SLC7A5: variants seen among roughly 807,000 people sequenced by gnomAD.
SLC7A5 encodes solute carrier family 7 member 5, also known as large neutral amino acids transporter small subunit 1.
Under a neutral mutation model 50.2 loss-of-function variants are expected in SLC7A5, and 23 were observed. The ratio of observed to expected loss-of-function variants is 0.46; its 90% CI spans 0.33 to 0.65. SLC7A5 has a LOEUF of 0.65. SLC7A5 is among the 30% of genes least tolerant of loss of function. The pLI, the probability that SLC7A5 is intolerant of heterozygous loss-of-function variation, is 0.02. For missense variants in SLC7A5, 578 were observed against 684.4 expected (o/e 0.84, Z 1.73); for synonymous variants, 393 against 330.6 (o/e 1.19, Z -2.05).
chr16:87,830,315 A>G lies in SLC7A5; in HGVS notation c.*2655T>C, dbSNP rs1290980173. ...AAACATGGTGCCGACAGCATCTTTA[A>G]ATTAGTAAGACGTTAGCACAAAACA... is the stretch of plus-strand genomic sequence containing the variant. On this transcript the variant is annotated 3_prime_UTR_variant, in exon 10 of 10. Coordinates refer to ENST00000261622, the MANE Select transcript of SLC7A5 (RefSeq NM_003486.7). 6.6e-6 allele frequency: 1 copy of G among 152,276 alleles called. No individual in the cohort carries two copies. Among genetic ancestry groups the G allele is most frequent in the Non-Finnish European group, 1.5e-5 (1 of 68,050 alleles). 9.4% of individuals were successfully genotyped at this position (152,276 alleles called of 1,614,324 possible). A position where few individuals can be genotyped will look rare whatever the true frequency, so the allele number is the denominator to read the frequency against.
intron 1 of SLC7A5, among the ~76,000 whole-genome samples, chr16:87,859,641 C>T (rs2055363642): frequency 6.6e-6 from 1 of 152,172 alleles, no homozygotes; most frequent in East Asian, 1.9e-4. Flanking sequence ...CCAGCACTAA[C>T]ACTCAAACAC....
Position 87,868,925 on chromosome 16 carries a change from C to T in SLC7A5, c.498G>A (p.Val166=), listed in dbSNP as rs1383832694. ...CCACGAGCTTGGCTGCCTCCTCGGG[C>T]ACCGGGCAGGTGGGGAAGAGCGGCT... is the stretch of plus-strand genomic sequence containing the variant. ...LLKPLFPTCP[V]PEEAAKLVAC... The change falls in exon 1 of 10, where the codon GTG becomes GTA. Residue 166 remains valine (V), a synonymous_variant. Transcript: ENST00000261622. 1.1e-5 allele frequency: 17 copies of T among 1,609,924 alleles called. No individual in the cohort carries two copies. The highest frequency in any genetic ancestry group is 1.4e-5 in the Non-Finnish European group (17 of 1,179,236).
rs566870085 is a variant in SLC7A5, at chr16:87,852,772, A to T, written c.539-923T>A. 6.6e-6 allele frequency among the ~76,000 whole-genome samples: 1 copy of T among 151,616 alleles called. No homozygotes were observed. Among genetic ancestry groups the T allele is most frequent in the South Asian group, 2.1e-4 (1 of 4,818 alleles). On this transcript the variant is annotated intron_variant, in intron 1 of 9. Transcript: ENST00000261622. The surrounding 1 kb of genome is among the most constrained non-coding windows in gnomAD (Gnocchi z 4.5). ...GTGTGTTTTGGGGGGTTCTGTTGCA[A>T]TATGTGCGCACGCTGAGCCACTATT...
Position 87,831,952 on chromosome 16 carries a change from G to A in SLC7A5, c.*1018C>T, listed in dbSNP as rs1420621422. The A allele has an allele frequency of 6.5e-6, 1 of 153,126 alleles. No individual in the cohort carries two copies. The highest frequency in any genetic ancestry group is 1.5e-5 in the Non-Finnish European group (1 of 68,766). The allele number at this position is 153,126 out of a possible 1,614,324, so 9.5% of individuals were successfully genotyped here. ...GACATGAGCGTGACAGGGAGAGCGGGGAGGTGCCTAGGCCGGGAGTGGGAA... is the reference window on the plus strand; with the variant it reads ...GACATGAGCGTGACAGGGAGAGCGGAGAGGTGCCTAGGCCGGGAGTGGGAA... On this transcript the variant is annotated 3_prime_UTR_variant, in exon 10 of 10. Transcript: ENST00000261622.
chr16:87,851,957 A>G lies in SLC7A5; in HGVS notation c.539-108T>C, dbSNP rs556987023. ...CCCACCCCAGGGCCAGGTCCACCAG[A>G]AAAACAAGCTCCTTAAACAGCTCCA... On this transcript the variant is annotated intron_variant, in intron 1 of 9. Transcript: ENST00000261622. The G allele has an allele frequency of 3.3e-4, 444 of 1,361,076 alleles. 3 individuals carry two copies. The South Asian group carries it at 5.1e-3, about 16-fold the overall frequency. 84.3% of individuals were successfully genotyped at this position (1,361,076 alleles called of 1,614,324 possible). A position where few individuals can be genotyped will look rare whatever the true frequency, so the allele number is the denominator to read the frequency against.
rs2055269532 is a variant in SLC7A5 at position 87,853,713 on chromosome 16, G to C, written c.539-1864C>G. Reference sequence around the variant, plus strand: ...CGGGGACCTAGCCGGCTTCTGGAGAGCTTTCTGGATTCGCAAGAGGCCGGC... The same window carrying C: ...CGGGGACCTAGCCGGCTTCTGGAGACCTTTCTGGATTCGCAAGAGGCCGGC... On this transcript the variant is annotated intron_variant, in intron 1 of 9. Coordinates refer to ENST00000261622, the MANE Select transcript of SLC7A5 (RefSeq NM_003486.7). The surrounding 1 kb of genome is among the most constrained non-coding windows in gnomAD (Gnocchi z 4.4). Among the ~76,000 whole-genome samples the C allele has an allele frequency of 6.7e-6, 1 of 150,126 alleles. No homozygotes were observed. The highest frequency in any genetic ancestry group is 1.5e-5 in the Non-Finnish European group (1 of 67,902).
At chr16:87,845,205 G>T (rs1305605353) in intron 2 of SLC7A5, among the ~76,000 whole-genome samples, 1 of 152,190 alleles carries the variant, frequency 6.6e-6, no homozygotes, top group Non-Finnish European at 1.5e-5. Context: ...GCTTCTCAGT[G>T]CATCAGGCAT....
intron 2 of SLC7A5, among the ~76,000 whole-genome samples, chr16:87,851,178 G>C (rs1250949671): frequency 6.6e-6 from 1 of 152,234 alleles, no homozygotes; most frequent in Admixed American, 6.5e-5. Context: ...GGGTTACCAC[G>C]TTTGTTTTGT....
Position 87,852,490 on chromosome 16 carries a change from G to A in SLC7A5, c.539-641C>T, listed in dbSNP as rs754831863. On this transcript the variant is annotated intron_variant, in intron 1 of 9. Coordinates refer to ENST00000261622, the MANE Select transcript of SLC7A5 (RefSeq NM_003486.7). This position sits in a 1 kb window ranked among gnomAD's most constrained non-coding sequence, Gnocchi z 4.5. ...ATACGATGAAACCCAAAATAGCACCGTGTGCTTCAGAAGCCTGAGTGACCC... is the reference window on the plus strand; with the variant it reads ...ATACGATGAAACCCAAAATAGCACCATGTGCTTCAGAAGCCTGAGTGACCC... Among the ~76,000 whole-genome samples the A allele has an allele frequency of 6.6e-6, 1 of 152,134 alleles. No homozygotes were observed. Among genetic ancestry groups the A allele is most frequent in the Non-Finnish European group, 1.5e-5 (1 of 68,014 alleles).
intron 7 of SLC7A5, among the ~76,000 whole-genome samples, chr16:87,836,989 T>C (rs1213326880): frequency 6.6e-6 from 1 of 152,162 alleles, no homozygotes; most frequent in Non-Finnish European, 1.5e-5. Flanking sequence ...TGGCTCTGTG[T>C]GCGAGGGCCA....
At chr16:87,851,996 C>T (rs951936089) in intron 1 of SLC7A5, 147 bp from the exon 2 acceptor site, 12 of 892,514 alleles carry the variant, frequency 1.3e-5, no homozygotes, top group Non-Finnish European at 2.1e-5. Flanking sequence ...CCCTGCCAGC[C>T]CTTAGGGCAC....
At position 87,860,339 on chromosome 16, in the gene SLC7A5, A is replaced by ATACAC. The variant is rs377188472; in HGVS notation, c.539-8491_539-8490insGTGTA. Among the ~76,000 whole-genome samples the ATACAC allele has an allele frequency of 6.5e-5, 7 of 108,214 alleles. No individual in the cohort carries two copies. Among genetic ancestry groups the ATACAC allele is most frequent in the African/African-American group, 2.7e-4 (7 of 25,694 alleles). The allele number at this position is 108,214 out of a possible 152,430, so 71.0% of individuals were successfully genotyped here. A position where few individuals can be genotyped will look rare whatever the true frequency, so the allele number is the denominator to read the frequency against. ...CAAAAGCATCTCAAAAAAAAAAAAA[A>ATACAC]ATACACACACACACACACACACACA... On this transcript the variant is annotated intron_variant, in intron 1 of 9. Coordinates refer to ENST00000261622, the MANE Select transcript of SLC7A5 (RefSeq NM_003486.7). The surrounding 1 kb of genome is among the most constrained non-coding windows in gnomAD (Gnocchi z 4.8).
At position 87,833,747 on chromosome 16, in the gene SLC7A5, C is replaced by T. The variant is rs1228963287; in HGVS notation, c.1468+667G>A. Among the ~76,000 whole-genome samples, 5 of 152,086 alleles carry T rather than the reference C, an allele frequency of 3.3e-5. No individual in the cohort carries two copies. The highest frequency in any genetic ancestry group is 2.0e-4 in the Admixed American group (3 of 15,274). ...CCGCAAGCACCCCGGCCTTTTTCTA[C>T]GAGCCTGGCCACATTTGCAGGCGCT... On this transcript the variant is annotated intron_variant, in intron 9 of 9. Transcript: ENST00000261622. This position sits in a 1 kb window ranked among gnomAD's most constrained non-coding sequence, Gnocchi z 6.0.
intron 1 of SLC7A5, among the ~76,000 whole-genome samples, chr16:87,857,884 G>A (rs1486622511): frequency 6.6e-6 from 1 of 152,220 alleles, no homozygotes; most frequent in Non-Finnish European, 1.5e-5. Context: ...GGGGGAGGAG[G>A]TGTCAGCTGC....
rs112632302 is a variant in SLC7A5 at position 87,836,298 on chromosome 16, A to G, written c.1290+200T>C. Among the ~76,000 whole-genome samples, 289 of 152,302 alleles carry G rather than the reference A, an allele frequency of 1.9e-3. 2 individuals are homozygous for G. Among genetic ancestry groups the G allele is most frequent in the African/African-American group, 6.8e-3 (282 of 41,580 alleles). On this transcript the variant is annotated intron_variant, in intron 8 of 9. Transcript: ENST00000261622. ...TGTGCCATCTGCTGTCCTTTGAGGA[A>G]CCCCGGCTCCTGCAGTCACACTTGG...
At chr16:87,850,966 C>T (rs758333834) in intron 2 of SLC7A5, among the ~76,000 whole-genome samples, 16 of 152,150 alleles carry the variant, frequency 1.1e-4, no homozygotes, top group Admixed American at 2.0e-4. Flanking sequence ...TGCAAAGGGG[C>T]GGGGGCTGTT....
At chr16:87,857,914 A>G (rs1417103294) in intron 1 of SLC7A5, among the ~76,000 whole-genome samples, 1 of 152,206 alleles carries the variant, frequency 6.6e-6, no homozygotes, top group Non-Finnish European at 1.5e-5. Context: ...TGGGGCTGAC[A>G]CATTCATTTT....
intron 2 of SLC7A5, among the ~76,000 whole-genome samples, chr16:87,851,121 G>A (rs7196771): frequency 6.6e-6 from 1 of 151,818 alleles, no homozygotes; most frequent in Admixed American, 6.5e-5. Context: ...GCGCCAGACT[G>A]CTCTCACCTG....
intron 8 of SLC7A5, among the ~76,000 whole-genome samples, chr16:87,835,113 G>A (rs766027355): frequency 7.2e-5 from 11 of 152,272 alleles, no homozygotes; most frequent in Admixed American, 1.3e-4. Flanking sequence ...CCTGCAGGCC[G>A]CAACCTGCGG....
Sources: gnomAD v4.1 joint callset for allele counts (sites outside exome capture counted in the v4.1 genomes callset) on GRCh38, gnomAD v4.1.1 for gene constraint, Gnocchi (gnomAD v3.1) non-coding constraint, MANE v1.5 for transcripts, NCBI Gene and HGNC (gene_info 2026-07-23, HGNC 2026-07-21) for gene names.